SPAG6: variants seen among roughly 807,000 people sequenced by gnomAD.
The protein encoded by SPAG6 is sperm associated antigen 6.
SPAG6 carries 49 observed loss-of-function variants against 58.5 expected under a neutral mutation model. The ratio of observed to expected loss-of-function variants is 0.84; its 90% CI spans 0.67 to 1.06. SPAG6 has a LOEUF of 1.06. Among genes scored for constraint, SPAG6 ranks in the 50% least tolerant of loss-of-function variants. The probability of loss-of-function intolerance (pLI) is 0.00; values close to 1 mark genes in which losing one functional copy is unlikely to be tolerated. For synonymous variants in SPAG6, 233 were observed against 225.6 expected, an observed-to-expected ratio of 1.03 and a Z score of -0.29; for missense variants, 560 against 611.3, an observed-to-expected ratio of 0.92 and a Z score of 0.89.
At chr10:22,346,156 C>T in intron 2 of SPAG6, 1 of 1,282,994 alleles carries the variant, frequency 7.8e-7, no homozygotes, top group South Asian at 1.4e-5. Flanking sequence ...TTTTGCATGC[C>T]ACCCTGCCTT....
intron 4 of SPAG6, among the ~76,000 whole-genome samples, chr10:22,372,372 C>A (rs1313752604): frequency 1.3e-5 from 2 of 152,142 alleles, no homozygotes; most frequent in African/African-American, 4.8e-5. Context: ...AATAGTCTTG[C>A]TTTTGGAAAG....
chr10:22,415,048 G>T (rs1834835862), intron 10 of SPAG6, among the ~76,000 whole-genome samples: 1 of 152,156 alleles, frequency 6.6e-6, no homozygotes, highest in African/African-American at 2.4e-5. Flanking sequence ...TTACAGGTGT[G>T]GGCCACTGCA....
intron 4 of SPAG6, among the ~76,000 whole-genome samples, chr10:22,375,338 A>G (rs1029577510): frequency 6.6e-6 from 1 of 152,244 alleles, no homozygotes; most frequent in Non-Finnish European, 1.5e-5. Context: ...AGAGTTTGCT[A>G]TTAGAAGCTC....
chr10:22,366,936 C>T (rs927151911), intron 3 of SPAG6, among the ~76,000 whole-genome samples: 17 of 152,038 alleles, frequency 1.1e-4, no homozygotes, highest in African/African-American at 4.1e-4. Flanking sequence ...CCTCACCTCC[C>T]AGCCTTTAAG....
chr10:22,362,450 A>G (rs977706797), intron 2 of SPAG6, among the ~76,000 whole-genome samples: 5 of 151,998 alleles, frequency 3.3e-5, no homozygotes, highest in Non-Finnish European at 5.9e-5. Context: ...TATAAAAAAT[A>G]TGAAGTAAGG....
intron 8 of SPAG6, among the ~76,000 whole-genome samples, chr10:22,393,715 T>G (rs957626950): frequency 2.6e-5 from 4 of 152,164 alleles, no homozygotes; most frequent in African/African-American, 9.7e-5. Context: ...ATCCAAATAT[T>G]TTATTATTGT....
At chr10:22,355,457 T>G (rs2132035101) in intron 2 of SPAG6, among the ~76,000 whole-genome samples, 1 of 152,294 alleles carries the variant, frequency 6.6e-6, no homozygotes, top group African/African-American at 2.4e-5. Context: ...GAATCAACAC[T>G]GAATCACCAA....
chr10:22,367,233 A>AT (rs1179643052), intron 3 of SPAG6, among the ~76,000 whole-genome samples: 2 of 151,976 alleles, frequency 1.3e-5, no homozygotes, highest in Non-Finnish European at 2.9e-5. Context: ...ATGTATCACC[A>AT]TTTTTTCCCC....
At chr10:22,350,184 C>G (rs529089250) in intron 2 of SPAG6, among the ~76,000 whole-genome samples, 2 of 151,538 alleles carry the variant, frequency 1.3e-5, no homozygotes, top group Non-Finnish European at 2.9e-5. Flanking sequence ...CTGACTTCTT[C>G]TTAAAAGATA....
intron 7 of SPAG6, among the ~76,000 whole-genome samples, chr10:22,390,497 A>G (rs531378290): frequency 2.0e-5 from 3 of 152,314 alleles, no homozygotes; most frequent in Non-Finnish European, 2.9e-5. Context: ...GCCACATAGT[A>G]TGGTAGCACT....
chr10:22,368,353 A>C (rs149611639), intron 3 of SPAG6, 142 bp from the exon 4 acceptor site: 5 of 593,222 alleles, frequency 8.4e-6, no homozygotes, highest in African/African-American at 1.9e-5. Flanking sequence ...ATTATTTTGC[A>C]GGATGTTTTT....
chr10:22,385,459 A>G (rs1010365661), intron 4 of SPAG6, among the ~76,000 whole-genome samples: 3 of 152,210 alleles, frequency 2.0e-5, no homozygotes, highest in Non-Finnish European at 2.9e-5. Flanking sequence ...ACTAGCTTTT[A>G]CACCAAATTT....
At chr10:22,360,902 T>G in intron 2 of SPAG6, 2 of 1,097,792 alleles carry the variant, frequency 1.8e-6, no homozygotes, top group Non-Finnish European at 2.7e-6. Context: ...CTTCCTTCCT[T>G]CCTTCCTTCC....
intron 7 of SPAG6, among the ~76,000 whole-genome samples, chr10:22,391,083 T>C (rs1834173541): frequency 6.6e-6 from 1 of 152,206 alleles, no homozygotes. Flanking sequence ...ATTGTTTAGA[T>C]AAAATTGAAG....
At position 22,411,038 on chromosome 10, in the gene SPAG6, C is replaced by T. The variant is rs775990298; in HGVS notation, c.1322C>T (p.Pro441Leu). The T allele has an allele frequency of 1.7e-5, 27 of 1,613,360 alleles. No individual in the cohort carries two copies. The highest frequency in any genetic ancestry group is 5.5e-5 in the South Asian group (5 of 90,888). Residue 441 changes from proline to leucine, a missense_variant, in exon 10 of 11, where the codon CCG becomes CTG. By Grantham distance (98) the Pro-to-Leu change is moderately conservative (BLOSUM62 -3). Transcript: ENST00000376624. ...HVVGQFSKVL[P>L]HDSKARRLFV... ...TGTGCTTCACTTTGCAAGGTGCTGC[C>T]GCATGATAGCAAAGCTCGACGACTT... is the stretch of plus-strand genomic sequence containing the variant.
At chr10:22,401,880 T>C (rs758462220) in intron 9 of SPAG6, among the ~76,000 whole-genome samples, 1 of 152,192 alleles carries the variant, frequency 6.6e-6, no homozygotes, top group Non-Finnish European at 1.5e-5. Flanking sequence ...AGAATGACTC[T>C]GTTACCACAG....
Position 22,394,250 on chromosome 10 carries a change from T to C in SPAG6, c.1197+2330T>C, listed in dbSNP as rs190394449. Among the ~76,000 whole-genome samples, 141 of 152,296 alleles carry C rather than the reference T, an allele frequency of 9.3e-4. 1 individual carries two copies. The Middle Eastern group carries it at 0.01, about 11-fold the overall frequency. On this transcript the variant is annotated intron_variant, in intron 8 of 10. Coordinates refer to ENST00000376624, the MANE Select transcript of SPAG6 (RefSeq NM_012443.4). Reference sequence around the variant, plus strand: ...CTTAATAAAAATGGAAAAGAAGTTTTTTTCTAATAAGCTTATCTACATGTT... The same window carrying C: ...CTTAATAAAAATGGAAAAGAAGTTTCTTTCTAATAAGCTTATCTACATGTT...
intron 10 of SPAG6, among the ~76,000 whole-genome samples, chr10:22,413,524 C>T (rs1406892170): frequency 6.6e-6 from 1 of 151,136 alleles, no homozygotes; most frequent in Non-Finnish European, 1.5e-5. Flanking sequence ...CAGAGGGAGA[C>T]TCCGTCTCAC....
chr10:22,409,684 C>T lies in SPAG6; in HGVS notation c.1315-1347C>T, dbSNP rs1279557492. Among the ~76,000 whole-genome samples the T allele has an allele frequency of 5.3e-5, 8 of 152,118 alleles. No individual in the cohort carries two copies. In the East Asian group the frequency reaches 1.2e-3, roughly 22 times the overall value. On this transcript the variant is annotated intron_variant, in intron 9 of 10. Coordinates refer to ENST00000376624, the MANE Select transcript of SPAG6 (RefSeq NM_012443.4). Reference sequence around the variant, plus strand: ...AAGGAACAAGATCAGAAAAAAAGAGCGTTTCGGTCAGAGGGATAGTAGCAG... The same window carrying T: ...AAGGAACAAGATCAGAAAAAAAGAGTGTTTCGGTCAGAGGGATAGTAGCAG...
Sources: gnomAD v4.1 joint callset for allele counts (sites outside exome capture counted in the v4.1 genomes callset) on GRCh38, gnomAD v4.1.1 for gene constraint, MANE v1.5 for transcripts, NCBI Gene and HGNC (gene_info 2026-07-23, HGNC 2026-07-21) for gene names.